VPS13B: variants seen among roughly 807,000 people sequenced by gnomAD.
VPS13B encodes the protein intermembrane lipid transfer protein VPS13B.
A neutral mutation model predicts 426.4 loss-of-function variants in VPS13B; 285 were observed. That is an observed-to-expected ratio of 0.67 (90% CI 0.61 to 0.74). The LOEUF (loss-of-function observed/expected upper bound fraction) is 0.74, where lower values mean the gene tolerates loss of function less well. Among genes scored for constraint, VPS13B ranks in the 30% least tolerant of loss-of-function variants. The pLI is 0.00. For missense variants in VPS13B, 4,537 were observed against 4,782.6 expected (o/e 0.95, Z 1.51); for synonymous variants, 1,676 against 1,676.4 (o/e 1.00, Z 0.01).
chr8:99,491,056 C>T (rs1363760220), intron 25 of VPS13B, among the ~76,000 whole-genome samples: 1 of 152,080 alleles, frequency 6.6e-6, no homozygotes, highest in Non-Finnish European at 1.5e-5. Context: ...TATAAATTTC[C>T]CTCTACACAC....
At chr8:99,784,263 C>T (rs917385268) in intron 42 of VPS13B, 52 bp from the exon 43 acceptor site, 1 of 1,612,204 alleles carries the variant, frequency 6.2e-7, no homozygotes, top group South Asian at 1.1e-5. Context: ...AGCTGCCAAA[C>T]ATCTTACAAT....
intron 21 of VPS13B, among the ~76,000 whole-genome samples, chr8:99,392,875 G>A (rs1814518539): frequency 1.3e-5 from 2 of 152,014 alleles, no homozygotes; most frequent in South Asian, 4.1e-4. Context: ...AAAAATGCCT[G>A]TGCCTCATTT....
chr8:99,335,254 CT>C (rs1810773962), intron 19 of VPS13B, among the ~76,000 whole-genome samples: 1 of 151,916 alleles, frequency 6.6e-6, no homozygotes, highest in Admixed American at 6.6e-5. Flanking sequence ...CTCTTTTCTT[CT>C]TTATTAGTCT....
chr8:99,118,571 C>T (rs10097343), intron 7 of VPS13B, among the ~76,000 whole-genome samples: 2,120 of 152,234 alleles, frequency 0.014, 47 homozygotes, highest in African/African-American at 0.047. Context: ...CGCGAGAAAA[C>T]ACTGTTCTGA....
intron 20 of VPS13B, among the ~76,000 whole-genome samples, chr8:99,389,945 AACT>A (rs1814332809): frequency 6.6e-6 from 1 of 152,132 alleles, no homozygotes; most frequent in South Asian, 2.1e-4. Context: ...AATGCATCAA[AACT>A]TAACAATATA....
At chr8:99,855,203 T>C (rs578090911) in intron 56 of VPS13B, among the ~76,000 whole-genome samples, 1 of 152,112 alleles carries the variant, frequency 6.6e-6, no homozygotes, top group South Asian at 2.1e-4. Flanking sequence ...GGTGAAACCT[T>C]GTCTCTATAA....
Position 99,481,589 on chromosome 8 carries a change from A to G in VPS13B, c.3667-10A>G, listed in dbSNP as rs762331645. ...GACTTGTTTTCTTTTCTTTTTTCTT[A>G]TGCTCTCAGGTCCAGCTCTTCTATG... On this transcript the variant is annotated splice_polypyrimidine_tract_variant and intron_variant, in intron 24 of 61. Transcript: ENST00000357162. 6.2e-7 allele frequency: 1 copy of G among 1,612,926 alleles called. No individual in the cohort carries two copies. Among genetic ancestry groups the G allele is most frequent in the Non-Finnish European group, 8.5e-7 (1 of 1,179,588 alleles).
intron 39 of VPS13B, among the ~76,000 whole-genome samples, chr8:99,743,160 C>G (rs1396031575): frequency 6.6e-6 from 1 of 152,186 alleles, no homozygotes; most frequent in Non-Finnish European, 1.5e-5. Context: ...GCAAAAATCA[C>G]AAGCATTCTT....
intron 33 of VPS13B, among the ~76,000 whole-genome samples, chr8:99,591,080 C>CAT (rs1826638230): frequency 6.6e-6 from 1 of 151,888 alleles, no homozygotes; most frequent in African/African-American, 2.4e-5. Context: ...GATCCCTTTA[C>CAT]CATTATGTAA....
At chr8:99,127,151 AC>A (rs1280791996) in intron 8 of VPS13B, among the ~76,000 whole-genome samples, 36 of 151,764 alleles carry the variant, frequency 2.4e-4, no homozygotes, top group Admixed American at 2.4e-3. Context: ...GTTACCAGGG[AC>A]TTTTTTGTAG....
At chr8:99,015,508 G>A (rs549877890) in intron 2 of VPS13B, among the ~76,000 whole-genome samples, 4 of 151,624 alleles carry the variant, frequency 2.6e-5, no homozygotes, top group African/African-American at 9.7e-5. Flanking sequence ...GAGCCACCGC[G>A]CCTGGCCAAC....
Position 99,087,949 on chromosome 8 carries a change from C to G in VPS13B, c.292-8363C>G, listed in dbSNP as rs180961115. Among the ~76,000 whole-genome samples, 7 of 151,914 alleles carry G rather than the reference C, an allele frequency of 4.6e-5. No individual in the cohort carries two copies. The East Asian group carries it at 1.4e-3, about 29-fold the overall frequency. Reference sequence around the variant, plus strand: ...CGGTAAACCCAGCACTTTGGGAGGCCGAAGCAGGTAGATCAGTTAAGGTCA... The same window carrying G: ...CGGTAAACCCAGCACTTTGGGAGGCGGAAGCAGGTAGATCAGTTAAGGTCA... On this transcript the variant is annotated intron_variant, in intron 3 of 61. Coordinates refer to ENST00000357162, the MANE Select transcript of VPS13B (RefSeq NM_152564.5).
intron 39 of VPS13B, among the ~76,000 whole-genome samples, chr8:99,763,894 G>A: frequency 6.6e-6 from 1 of 152,114 alleles, no homozygotes; most frequent in East Asian, 1.9e-4. Flanking sequence ...CGTCCTTACA[G>A]CATCTCATCA....
At chr8:99,147,675 T>C (rs1042985169) in intron 13 of VPS13B, among the ~76,000 whole-genome samples, 166 bp from the exon 14 acceptor site, 6 of 152,204 alleles carry the variant, frequency 3.9e-5, no homozygotes, top group Non-Finnish European at 7.3e-5. Flanking sequence ...TCGAGAATAG[T>C]GCAACTTATA....
At chr8:99,433,082 A>G (rs1817198531) in intron 22 of VPS13B, among the ~76,000 whole-genome samples, 1 of 152,346 alleles carries the variant, frequency 6.6e-6, no homozygotes, top group Middle Eastern at 3.4e-3. Flanking sequence ...GAATCAGGAA[A>G]CATTTGGGTA....
intron 58 of VPS13B, among the ~76,000 whole-genome samples, chr8:99,866,637 C>T (rs964493867): frequency 6.6e-6 from 1 of 152,262 alleles, no homozygotes; most frequent in African/African-American, 2.4e-5. Flanking sequence ...CTGATACCTG[C>T]ATGTGCTGGA....
At chr8:99,087,661 T>G (rs965932757) in intron 3 of VPS13B, among the ~76,000 whole-genome samples, 1 of 151,432 alleles carries the variant, frequency 6.6e-6, no homozygotes, top group African/African-American at 2.4e-5. Context: ...TAGCCCAGCC[T>G]GGCTGCCAAT....
chr8:99,665,227 C>G (rs926962058), intron 35 of VPS13B, among the ~76,000 whole-genome samples: 21 of 152,250 alleles, frequency 1.4e-4, no homozygotes, highest in African/African-American at 4.8e-4. Flanking sequence ...AGCCCTTTGT[C>G]AGATGAGTAG....
intron 61 of VPS13B, among the ~76,000 whole-genome samples, chr8:99,872,019 C>T (rs965302944): frequency 2.0e-5 from 3 of 152,246 alleles, no homozygotes; most frequent in Middle Eastern, 3.4e-3. Context: ...CTGGGGTGCT[C>T]GATGGACAGG....
Sources: gnomAD v4.1 joint callset for allele counts (sites outside exome capture counted in the v4.1 genomes callset) on GRCh38, gnomAD v4.1.1 for gene constraint, MANE v1.5 for transcripts, NCBI Gene and HGNC (gene_info 2026-07-23, HGNC 2026-07-21) for gene names.